The following LAMC2 variants were observed in gnomAD, a reference collection of about 807,000 sequenced individuals.
The protein encoded by LAMC2 is laminin subunit gamma 2.
A neutral mutation model predicts 140.2 loss-of-function variants in LAMC2; 97 were observed. The observed-to-expected ratio is 0.69, with a 90% CI of 0.59 to 0.82. The LOEUF (loss-of-function observed/expected upper bound fraction) is 0.82, where lower values mean the gene tolerates loss of function less well. Ranked by LOEUF, LAMC2 falls within the 40% of genes least tolerant of loss-of-function variation. The probability of loss-of-function intolerance (pLI) is 0.00; values close to 1 mark genes in which losing one functional copy is unlikely to be tolerated. For synonymous variants in LAMC2, 513 were observed against 540.2 expected, an observed-to-expected ratio of 0.95 and a Z score of 0.70; for missense variants, 1,402 against 1,476.1, an observed-to-expected ratio of 0.95 and a Z score of 0.82.
At chr1:183,237,532 A>G (rs372083921) in intron 18 of LAMC2, 28 bp downstream of exon 18, 47 of 1,579,176 alleles carry the variant, frequency 3.0e-5, no homozygotes, top group Non-Finnish European at 3.7e-5. Context: ...CATTCACTCA[A>G]TAAAGATGTA....
chr1:183,195,152 G>A (rs1658475450), intron 1 of LAMC2, among the ~76,000 whole-genome samples: 1 of 152,094 alleles, frequency 6.6e-6, no homozygotes, highest in Non-Finnish European at 1.5e-5. Flanking sequence ...TGTTCACTGG[G>A]ACTTTCTTCC....
chr1:183,204,546 C>T (rs1395913119), intron 1 of LAMC2, among the ~76,000 whole-genome samples: 3 of 148,542 alleles, frequency 2.0e-5, no homozygotes, highest in South Asian at 2.2e-4. Flanking sequence ...GTTGGAGAAT[C>T]GCTTGAGCCC....
the LAMC2 span, among the ~76,000 whole-genome samples, chr1:183,257,412 G>C: frequency 1.3e-5 from 2 of 152,186 alleles, no homozygotes; most frequent in Non-Finnish European, 2.9e-5. Flanking sequence ...TTGCACTCCA[G>C]CCTGGGCGAC....
At chr1:183,216,930 T>C (rs1157942276) in intron 3 of LAMC2, among the ~76,000 whole-genome samples, 1 of 152,174 alleles carries the variant, frequency 6.6e-6, no homozygotes, top group Non-Finnish European at 1.5e-5. Context: ...ACTGTTCCTA[T>C]TTCTCTTAGC....
chr1:183,213,964 C>G (rs1490381553), intron 2 of LAMC2, among the ~76,000 whole-genome samples: 2 of 151,500 alleles, frequency 1.3e-5, no homozygotes, highest in East Asian at 3.9e-4. Flanking sequence ...ACTTGGGAGG[C>G]TGAGGCAGGA....
At chr1:183,248,819 G>A (rs994084475), downstream of LAMC2, 1 of 151,346 alleles carries the variant, frequency 6.6e-6, no homozygotes, top group Non-Finnish European at 1.5e-5. Flanking sequence ...ATATTCTACC[G>A]TTTTATTTTT....
chr1:183,193,814 C>T (rs1245175278), intron 1 of LAMC2, among the ~76,000 whole-genome samples: 1 of 148,860 alleles, frequency 6.7e-6, no homozygotes, highest in Non-Finnish European at 1.5e-5. Context: ...ATGCAAGATA[C>T]TCCCTGATGT....
In LAMC2 at chr1:183,227,653, A is replaced by C; in HGVS notation, c.1424A>C (p.Glu475Ala). The change falls in exon 10 of 23, where the codon GAG becomes GCG. Residue 475 changes from glutamate to alanine, a missense_variant. Glu to Ala is a moderately radical substitution (Grantham distance 107, BLOSUM62 -1). This residue lies in a region of LAMC2 where 723 missense variants were observed against 783.3 expected (regional missense o/e 0.92). Transcript: ENST00000264144. ...GGGTTCAGCTGCTCAGTGATGCCGG[A>C]GACGGAGGAGGTGGTGTGCAATAAC... ...HNGFSCSVMP[E>A]TEEVVCNNCP... 2 of 1,614,164 alleles carry C rather than the reference A, an allele frequency of 1.2e-6. No individual in the cohort carries two copies. Among genetic ancestry groups the C allele is most frequent in the Non-Finnish European group, 1.7e-6 (2 of 1,180,030 alleles).
the LAMC2 span, among the ~76,000 whole-genome samples, chr1:183,258,669 G>C: frequency 0.018 from 2,759 of 152,194 alleles, 66 homozygotes; most frequent in African/African-American, 0.063. Context: ...AAGGCTACAA[G>C]ATCTGACCCT....
the LAMC2 span, chr1:183,252,706 A>G: frequency 6.2e-7 from 1 of 1,614,056 alleles, no homozygotes; most frequent in South Asian, 1.1e-5. Flanking sequence ...TGGGACAGGT[A>G]ATCCACAACA....
chr1:183,206,883 G>T (rs977411116), intron 1 of LAMC2, among the ~76,000 whole-genome samples: 1 of 152,174 alleles, frequency 6.6e-6, no homozygotes, highest in Non-Finnish European at 1.5e-5. Flanking sequence ...TCAAATCTCA[G>T]TTCTCCACTG....
the LAMC2 span, chr1:183,250,861 GT>G: frequency 6.6e-6 from 1 of 152,630 alleles, no homozygotes; most frequent in Admixed American, 6.5e-5. Context: ...TGTTGCAGAT[GT>G]GAAACGTGTG....
intron 1 of LAMC2, among the ~76,000 whole-genome samples, chr1:183,196,950 A>T (rs1658538752): frequency 6.6e-6 from 1 of 152,244 alleles, no homozygotes; most frequent in African/African-American, 2.4e-5. Flanking sequence ...ATTAGGCTGG[A>T]AAAGTAGATA....
At chr1:183,254,439 T>C in the LAMC2 span, among the ~76,000 whole-genome samples, 2 of 150,274 alleles carry the variant, frequency 1.3e-5, no homozygotes, top group Non-Finnish European at 2.9e-5. Flanking sequence ...TGTTTGTTTG[T>C]TTGTTTGCTT....
chr1:183,198,279 C>G (rs1007355233), intron 1 of LAMC2, among the ~76,000 whole-genome samples: 1 of 151,820 alleles, frequency 6.6e-6, no homozygotes, highest in East Asian at 1.9e-4. Context: ...GTAGCTGGAA[C>G]TACAGGTGCC....
At chr1:183,235,842 G>A in intron 16 of LAMC2, 112 bp downstream of exon 16, 1 of 1,054,448 alleles carries the variant, frequency 9.5e-7, no homozygotes, top group Non-Finnish European at 1.4e-6. Context: ...TATTATTAAT[G>A]ATAATAAGAG....
Position 183,220,978 on chromosome 1 carries a change from T to C in LAMC2, c.640+17T>C. 1.9e-6 allele frequency: 3 copies of C among 1,613,512 alleles called. No homozygotes were observed. Among genetic ancestry groups the C allele is most frequent in the Admixed American group, 1.7e-5 (1 of 60,030 alleles). On this transcript the variant is annotated intron_variant, in intron 5 of 22. Transcript: ENST00000264144. ...TTCATCAAGGTAAAGCCTTCTATTT[T>C]CTAGGTTTTAGTTTTTTAATGTTGT...
At chr1:183,258,856 T>TGA in the LAMC2 span, among the ~76,000 whole-genome samples, 2 of 152,278 alleles carry the variant, frequency 1.3e-5, no homozygotes. Context: ...CTCTGACCAA[T>TGA]CCGCACTCCT....
In LAMC2 at chr1:183,240,376, C is replaced by T. The variant is rs1292489992; in HGVS notation, c.3313C>T (p.Leu1105Phe). ...AGACACACTCAACACATTAGACGGCCTCCTGCATCTGATGGGTATGTGAAC... is the reference window on the plus strand; with the variant it reads ...AGACACACTCAACACATTAGACGGCTTCCTGCATCTGATGGGTATGTGAAC... ...IQDTLNTLDG[L>F]LHLMDQPLSV... is the part of the protein sequence containing the mutation. The change falls in exon 22 of 23, where the codon CTC (leucine) becomes TTC (phenylalanine). Residue 1105 changes from leucine (L) to phenylalanine (F), a missense_variant. This residue lies in a region of LAMC2 where 670 missense variants were observed against 667.2 expected (regional missense o/e 1.00). Transcript: ENST00000264144. 1.2e-6 allele frequency: 2 copies of T among 1,614,198 alleles called. No homozygotes were observed. Among genetic ancestry groups the T allele is most frequent in the South Asian group, 2.2e-5 (2 of 91,086 alleles).
Sources: gnomAD v4.1 joint callset for allele counts (sites outside exome capture counted in the v4.1 genomes callset) on GRCh38, gnomAD v4.1.1 for gene constraint, gnomAD v4.1.1 regional missense constraint, MANE v1.5 for transcripts, NCBI Gene and HGNC (gene_info 2026-07-23, HGNC 2026-07-21) for gene names.